COL5A1: variants seen among roughly 807,000 people sequenced by gnomAD.
COL5A1 encodes collagen alpha-1(V) chain.
COL5A1 carries 16 observed loss-of-function variants against 263.7 expected under a neutral mutation model. The observed-to-expected ratio is 0.06, with a 90% CI of 0.04 to 0.09. COL5A1 has a LOEUF of 0.09. COL5A1 is among the 10% of genes least tolerant of loss of function. COL5A1 has a pLI of 1.00. For synonymous variants in COL5A1, 1,012 were observed against 1,004.5 expected, an observed-to-expected ratio of 1.01 and a Z score of -0.14; for missense variants, 2,036 against 2,540.5, an observed-to-expected ratio of 0.80 and a Z score of 4.27.
rs758775647 is a variant in COL5A1 at position 134,752,632 on chromosome 9, G to A, written c.1706G>A (p.Arg569Lys). The A allele has an allele frequency of 1.9e-6, 3 of 1,612,970 alleles. No homozygotes were observed. The highest frequency in any genetic ancestry group is 1.3e-5 in the African/African-American group (1 of 74,934). Residue 569 changes from arginine to lysine, a missense_variant, in exon 14 of 66, where the codon AGA (arginine) becomes AAA (lysine). Coordinates refer to ENST00000371817, the MANE Select transcript of COL5A1 (RefSeq NM_000093.5). ...GPAGPMGLTG[R>K]PGPVGPPGSG... ...GCTGGCCCGATGGGTCTCACAGGGA[G>A]ACCTGGCCCTGTGGTAAGTCATTGG...
chr9:134,701,744 G>A (rs1490267081), intron 4 of COL5A1, among the ~76,000 whole-genome samples: 1 of 152,192 alleles, frequency 6.6e-6, no homozygotes, highest in African/African-American at 2.4e-5. Flanking sequence ...GGCAGAGCTG[G>A]GCCACCGTGT....
At position 134,824,686 on chromosome 9, in the gene COL5A1, C is replaced by T. The variant is rs149981025; in HGVS notation, c.4785C>T (p.Asp1595=). 44 of 1,614,092 alleles carry T rather than the reference C, an allele frequency of 2.7e-5. No homozygotes were observed. The highest frequency in any genetic ancestry group is 8.3e-5 in the Admixed American group (5 of 60,014). ...TCGACGCCAGCCAGCTGCTGGACGA[C>T]GGGAATGGCGAGAACTACGTGGACT... ...RNIDASQLLD[D]GNGENYVDYA... Residue 1595 remains aspartate, a synonymous_variant, in exon 62 of 66, where the codon GAC becomes GAT. Coordinates refer to ENST00000371817, the MANE Select transcript of COL5A1 (RefSeq NM_000093.5).
chr9:134,703,444 C>T (rs2132577877), intron 4 of COL5A1, among the ~76,000 whole-genome samples: 1 of 152,258 alleles, frequency 6.6e-6, no homozygotes, highest in South Asian at 2.1e-4. Context: ...CTAGGCAAAG[C>T]AGGTGACATT....
At chr9:134,780,204 C>T in intron 28 of COL5A1, 58 bp downstream of exon 28, 1 of 1,530,104 alleles carries the variant, frequency 6.5e-7, no homozygotes, top group Admixed American at 1.7e-5. Context: ...GAATTCCAGC[C>T]AGCGGGGCCC....
At chr9:134,804,840 C>T (rs1220182271) in intron 39 of COL5A1, 135 bp from the exon 40 acceptor site, 1 of 764,370 alleles carries the variant, frequency 1.3e-6, no homozygotes, top group Admixed American at 2.1e-5. Context: ...AACCCTTGGC[C>T]TCGCTCTGGG....
rs114772291 is a variant in COL5A1, at chr9:134,759,891, A to G, written c.1935+1595A>G. 4.2e-3 allele frequency among the ~76,000 whole-genome samples: 379 copies of G among 90,120 alleles called. 19 individuals carry two copies. The highest frequency in any genetic ancestry group is 0.016 in the African/African-American group (315 of 20,044). The allele number at this position is 90,120 out of a possible 152,430, so 59.1% of individuals were successfully genotyped here. A position where few individuals can be genotyped will look rare whatever the true frequency, so the allele number is the denominator to read the frequency against. On this transcript the variant is annotated intron_variant, in intron 18 of 65. Coordinates refer to ENST00000371817, the MANE Select transcript of COL5A1 (RefSeq NM_000093.5). ...ACACATGCACACACACCACACAGGC[A>G]CACACACACCCATGCACCCCCACAC...
chr9:134,642,502 C>T lies in COL5A1; in HGVS notation c.109+206C>T, dbSNP rs571160824. The stretch of plus-strand genomic sequence containing the variant: ...CCCGCGGGCGCGCCGCCGCCCCCTC[C>T]CCAGACGGGCGGGTCGGGTGGGGCT... On this transcript the variant is annotated intron_variant, in intron 1 of 65. Coordinates refer to ENST00000371817, the MANE Select transcript of COL5A1 (RefSeq NM_000093.5). This position sits in a 1 kb window ranked among gnomAD's most constrained non-coding sequence, Gnocchi z 4.5. Among the ~76,000 whole-genome samples the T allele has an allele frequency of 2.6e-3, 388 of 151,794 alleles. 10 individuals are homozygous for T. The South Asian group carries it at 0.057, about 22-fold the overall frequency.
intron 1 of COL5A1, among the ~76,000 whole-genome samples, chr9:134,645,424 C>T (rs2132461531): frequency 6.6e-6 from 1 of 152,334 alleles, no homozygotes; most frequent in South Asian, 2.1e-4. Flanking sequence ...AGTGAGCTGC[C>T]CCGCTGGAGG....
chr9:134,703,714 T>G (rs1400500572), intron 4 of COL5A1, among the ~76,000 whole-genome samples: 1 of 134,700 alleles, frequency 7.4e-6, no homozygotes, highest in Non-Finnish European at 1.5e-5. Flanking sequence ...CTCGGCTCAC[T>G]GCAAGCTCTG....
In COL5A1 at chr9:134,700,859, C is replaced by T. The variant is rs2132571937; in HGVS notation, c.492-312C>T. 6.6e-6 allele frequency among the ~76,000 whole-genome samples: 1 copy of T among 152,286 alleles called. No homozygotes were observed. Among genetic ancestry groups the T allele is most frequent in the South Asian group, 2.1e-4 (1 of 4,822 alleles). ...GACCACGCTCCCAGGGACCACACTC[C>T]TGGGTCCCGAGCCAGTGCCGAGTGC... On this transcript the variant is annotated intron_variant, in intron 3 of 65. Coordinates refer to ENST00000371817, the MANE Select transcript of COL5A1 (RefSeq NM_000093.5). The surrounding 1 kb of genome is among the most constrained non-coding windows in gnomAD (Gnocchi z 4.0).
chr9:134,786,072 T>TC, intron 31 of COL5A1, 24 bp downstream of exon 31: 1 of 1,602,744 alleles, frequency 6.2e-7, no homozygotes. Flanking sequence ...GTGTTAGGTG[T>TC]CCCGGGACAG....
rs1832718958 is a variant in COL5A1 at position 134,677,709 on chromosome 9, G to A, written c.110-13203G>A. ...ATATCCATCCCTCCATCCTTTCTCA[G>A]TCCGGCCATCTTACTCCCTGTTCCT... On this transcript the variant is annotated intron_variant, in intron 1 of 65. Coordinates refer to ENST00000371817, the MANE Select transcript of COL5A1 (RefSeq NM_000093.5). The surrounding 1 kb of genome is among the most constrained non-coding windows in gnomAD (Gnocchi z 4.4). Among the ~76,000 whole-genome samples, 1 of 152,154 alleles carries A rather than the reference G, an allele frequency of 6.6e-6. No homozygotes were observed. The highest frequency in any genetic ancestry group is 2.4e-5 in the African/African-American group (1 of 41,436).
chr9:134,654,576 TGGG>T (rs1316559774), intron 1 of COL5A1, among the ~76,000 whole-genome samples: 3 of 107,920 alleles, frequency 2.8e-5, no homozygotes, highest in South Asian at 3.6e-4. Flanking sequence ...TGTGTAGGGC[TGGG>T]GGTGTGTAGG....
At chr9:134,654,538 T>C (rs1588406428) in intron 1 of COL5A1, among the ~76,000 whole-genome samples, 1 of 103,480 alleles carries the variant, frequency 9.7e-6, no homozygotes, top group South Asian at 3.7e-4. Context: ...TGGGTGTGTG[T>C]AGGGCTGGGT....
At position 134,710,633 on chromosome 9, in the gene COL5A1, T is replaced by C. The variant is rs1258601022; in HGVS notation, c.654+9300T>C. Among the ~76,000 whole-genome samples, 120 of 55,720 alleles carry C rather than the reference T, an allele frequency of 2.2e-3. 1 individual carries two copies. The highest frequency in any genetic ancestry group is 7.3e-3 in the African/African-American group (102 of 13,968). The allele number at this position is 55,720 out of a possible 152,430, so 36.6% of individuals were successfully genotyped here. On this transcript the variant is annotated intron_variant, in intron 4 of 65. Coordinates refer to ENST00000371817, the MANE Select transcript of COL5A1 (RefSeq NM_000093.5). ...TGCAGTGGTGGGGGAGGGGCCCCAT[T>C]TGTTGGGTGCAGTGGTGGGGGAGGA...
chr9:134,747,973 TCACACACACATGCATTCACACA>T (rs1172293158), intron 11 of COL5A1, among the ~76,000 whole-genome samples: 2 of 124,918 alleles, frequency 1.6e-5, no homozygotes, highest in Non-Finnish European at 3.4e-5. Flanking sequence ...ACACATGCAT[TCACACACACATGCATTCACACA>T]CACATACACA....
intron 59 of COL5A1, 39 bp from the exon 60 acceptor site, chr9:134,822,959 G>C (rs1393889856): frequency 6.2e-7 from 1 of 1,613,628 alleles, no homozygotes; most frequent in East Asian, 2.2e-5. Flanking sequence ...CTGGAGCTGA[G>C]ACCCGGCTTG....
intron 1 of COL5A1, among the ~76,000 whole-genome samples, chr9:134,683,832 T>C (rs1172170374): frequency 1.3e-5 from 2 of 152,212 alleles, no homozygotes; most frequent in South Asian, 2.1e-4. Flanking sequence ...CTTTTCTGGC[T>C]GATTGTCTTT....
rs1371257033 is a variant in COL5A1 at position 134,818,785 on chromosome 9, G to T, written c.4338+22G>T. 1 of 1,612,430 alleles carries T rather than the reference G, an allele frequency of 6.2e-7. No homozygotes were observed. The highest frequency in any genetic ancestry group is 1.7e-5 in the Admixed American group (1 of 59,996). On this transcript the variant is annotated intron_variant, in intron 55 of 65. Coordinates refer to ENST00000371817, the MANE Select transcript of COL5A1 (RefSeq NM_000093.5). The surrounding 1 kb of genome is among the most constrained non-coding windows in gnomAD (Gnocchi z 6.0). The stretch of plus-strand genomic sequence containing the variant: ...TGTGGTGAGTAGGCTGTGAGGGGCA[G>T]AGGGGTTGCCGAGTGGAGGGACGGG...
Sources: allele counts gnomAD v4.1 joint callset (sites outside exome capture counted in the v4.1 genomes callset), GRCh38; gene constraint gnomAD v4.1.1; non-coding constraint Gnocchi (gnomAD v3.1); transcripts MANE v1.5; gene names NCBI Gene and HGNC (gene_info 2026-07-23, HGNC 2026-07-21).